Variants in SEMA5A observed in about 807,000 individuals in gnomAD.
The protein encoded by SEMA5A is semaphorin-5A.
SEMA5A carries 55 observed loss-of-function variants against 135.5 expected under a neutral mutation model. The observed-to-expected ratio is 0.41, with a 90% CI of 0.33 to 0.51. The LOEUF (loss-of-function observed/expected upper bound fraction) is 0.51. Ranked by LOEUF, SEMA5A falls within the 20% of genes least tolerant of loss-of-function variation. The probability of loss-of-function intolerance (pLI) is 0.37; values close to 1 mark genes in which losing one functional copy is unlikely to be tolerated. For missense variants in SEMA5A, 1,290 were observed against 1,419.9 expected (o/e 0.91, Z 1.47); for synonymous variants, 580 against 546.5 (o/e 1.06, Z -0.85).
intron 1 of SEMA5A, among the ~76,000 whole-genome samples, chr5:9,485,450 AG>A (rs1734653367): frequency 6.6e-6 from 1 of 152,220 alleles, no homozygotes; most frequent in Non-Finnish European, 1.5e-5. Context: ...TAGTATGTCT[AG>A]GGATGCCCCG....
At chr5:9,485,137 C>T (rs768525307) in intron 1 of SEMA5A, among the ~76,000 whole-genome samples, 1 of 152,008 alleles carries the variant, frequency 6.6e-6, no homozygotes, top group Non-Finnish European at 1.5e-5. Flanking sequence ...TATCTGGCAA[C>T]TCTACCCAGG....
chr5:9,259,229 T>C (rs1397607047), intron 5 of SEMA5A, among the ~76,000 whole-genome samples: 1 of 152,266 alleles, frequency 6.6e-6, no homozygotes, highest in African/African-American at 2.4e-5. Context: ...AAACTGCTTC[T>C]GGGCAAAATT....
chr5:9,532,568 A>T (rs268547), intron 1 of SEMA5A, among the ~76,000 whole-genome samples: 8 of 151,386 alleles, frequency 5.3e-5, no homozygotes, highest in African/African-American at 1.9e-4. Context: ...GATTACAGGC[A>T]TGAGCCACTG....
intron 3 of SEMA5A, among the ~76,000 whole-genome samples, chr5:9,377,454 G>A (rs181201512): frequency 5.2e-4 from 79 of 151,890 alleles, no homozygotes; most frequent in South Asian, 5.0e-3. Context: ...CCATAACCAC[G>A]CAGAAAGAAA....
At chr5:9,385,115 C>T (rs1755832180) in intron 2 of SEMA5A, among the ~76,000 whole-genome samples, 1 of 152,182 alleles carries the variant, frequency 6.6e-6, no homozygotes. Flanking sequence ...GGTGCGTCTA[C>T]TTCAAAACCC....
At chr5:9,499,283 G>A (rs1274207012) in intron 1 of SEMA5A, among the ~76,000 whole-genome samples, 1 of 152,138 alleles carries the variant, frequency 6.6e-6, no homozygotes. Flanking sequence ...TTAGTGTCGT[G>A]TCCTTATTTT....
intron 16 of SEMA5A, among the ~76,000 whole-genome samples, chr5:9,106,880 G>A (rs1462212692): frequency 1.3e-5 from 2 of 152,162 alleles, no homozygotes; most frequent in East Asian, 1.9e-4. Context: ...TGAGAGCTAC[G>A]ACAGTATCTT....
intron 4 of SEMA5A, among the ~76,000 whole-genome samples, chr5:9,326,103 T>C (rs906612480): frequency 1.3e-5 from 2 of 152,210 alleles, no homozygotes; most frequent in African/African-American, 4.8e-5. Flanking sequence ...CTCCTGTCCC[T>C]GCACCAGCTT....
At position 9,437,818 on chromosome 5, in the gene SEMA5A, C is replaced by T. The variant is rs568136607; in HGVS notation, c.-140G>A. ...ATGAATCACACTGACTCCACAGCCA[C>T]GTGGGCACTCCAGCCCAAGTCTCAC... is the stretch of plus-strand genomic sequence containing the variant. On this transcript the variant is annotated 5_prime_UTR_variant, in exon 2 of 23. The change creates a new upstream start codon in the 5' untranslated region. Coordinates refer to ENST00000382496, the MANE Select transcript of SEMA5A (RefSeq NM_003966.3). The T allele has an allele frequency of 1.5e-4, 23 of 152,602 alleles. No individual in the cohort carries two copies. Among genetic ancestry groups the T allele is most frequent in the African/African-American group, 3.4e-4 (14 of 41,560 alleles). The allele number at this position is 152,602 out of a possible 1,614,324, so 9.5% of individuals were successfully genotyped here. A position where few individuals can be genotyped will look rare whatever the true frequency, so the allele number is the denominator to read the frequency against.
intron 16 of SEMA5A, among the ~76,000 whole-genome samples, chr5:9,068,364 A>G (rs1179539502): frequency 1.3e-5 from 2 of 152,100 alleles, no homozygotes; most frequent in African/African-American, 4.8e-5. Flanking sequence ...CTCTTCAGAG[A>G]CCCCTGAGAA....
At chr5:9,354,631 C>T (rs1226779299) in intron 3 of SEMA5A, among the ~76,000 whole-genome samples, 1 of 152,130 alleles carries the variant, frequency 6.6e-6, no homozygotes, top group Non-Finnish European at 1.5e-5. Flanking sequence ...ACTACAGACG[C>T]TGCAGGAAAA....
chr5:9,221,465 G>A (rs1033296328), intron 8 of SEMA5A, among the ~76,000 whole-genome samples: 2 of 151,742 alleles, frequency 1.3e-5, no homozygotes, highest in African/African-American at 4.8e-5. Flanking sequence ...ACCACGCCCG[G>A]CTAATTTTTT....
At chr5:9,539,505 A>G (rs1318120706) in intron 1 of SEMA5A, among the ~76,000 whole-genome samples, 1 of 152,230 alleles carries the variant, frequency 6.6e-6, no homozygotes, top group Non-Finnish European at 1.5e-5. Context: ...TAATAAAGAC[A>G]CAATATGTTC....
rs920278545 is a variant in SEMA5A, at chr5:9,463,670, G to A, written c.-174-25818C>T. Among the ~76,000 whole-genome samples, 3 of 152,102 alleles carry A rather than the reference G, an allele frequency of 2.0e-5. No individual in the cohort carries two copies. The East Asian group carries it at 5.8e-4, about 29-fold the overall frequency. On this transcript the variant is annotated intron_variant, in intron 1 of 22. Coordinates refer to ENST00000382496, the MANE Select transcript of SEMA5A (RefSeq NM_003966.3). Reference sequence around the variant, plus strand: ...ACTGAGACCTCTGCTGCCAACGTGGGGCTTTCCTCTGTCCCTAAGCAGCTC... The same window carrying A: ...ACTGAGACCTCTGCTGCCAACGTGGAGCTTTCCTCTGTCCCTAAGCAGCTC...
intron 1 of SEMA5A, among the ~76,000 whole-genome samples, chr5:9,456,167 C>T (rs1758826168): frequency 6.6e-6 from 1 of 152,240 alleles, no homozygotes; most frequent in Non-Finnish European, 1.5e-5. Context: ...AGAATTTCCA[C>T]TCACCAGCTT....
chr5:9,276,611 T>C (rs889015697), intron 5 of SEMA5A, among the ~76,000 whole-genome samples: 6 of 151,984 alleles, frequency 3.9e-5, no homozygotes, highest in Admixed American at 1.3e-4. Flanking sequence ...CCAAAACACA[T>C]ATATATATAC....
intron 16 of SEMA5A, among the ~76,000 whole-genome samples, chr5:9,102,802 G>C (rs946844785): frequency 1.3e-5 from 2 of 152,166 alleles, no homozygotes; most frequent in African/African-American, 2.4e-5. Context: ...TTCTGAATCA[G>C]AGCAGTAATA....
At chr5:9,096,554 C>CTGTG (rs56202626) in intron 16 of SEMA5A, among the ~76,000 whole-genome samples, 11,817 of 144,404 alleles carry the variant, frequency 0.082, 545 homozygotes, top group Middle Eastern at 0.15. Flanking sequence ...TAATATTCCA[C>CTGTG]TGTGTGTGTG....
At chr5:9,287,252 A>G (rs1278325420) in intron 5 of SEMA5A, among the ~76,000 whole-genome samples, 1 of 152,240 alleles carries the variant, frequency 6.6e-6, no homozygotes, top group Non-Finnish European at 1.5e-5. Flanking sequence ...CTATATTAAC[A>G]TCATCAGCTA....
Sources: allele counts gnomAD v4.1 joint callset (sites outside exome capture counted in the v4.1 genomes callset), GRCh38; gene constraint gnomAD v4.1.1; transcripts MANE v1.5; gene names NCBI Gene and HGNC (gene_info 2026-07-23, HGNC 2026-07-21).